TENM3: variants seen among roughly 807,000 people sequenced by gnomAD.
The protein encoded by TENM3 is teneurin transmembrane protein 3.
In TENM3, 63 loss-of-function variants were observed where a neutral mutation model predicts 255.1. The observed-to-expected ratio is 0.25, with a 90% CI of 0.20 to 0.30. TENM3 has a LOEUF of 0.30. Among genes scored for constraint, TENM3 ranks in the 10% least tolerant of loss-of-function variants. TENM3 has a pLI of 1.00. For missense variants in TENM3, 2,929 were observed against 3,461.1 expected, an observed-to-expected ratio of 0.85 and a Z score of 3.86; for synonymous variants, 1,306 against 1,322.3, an observed-to-expected ratio of 0.99 and a Z score of 0.27.
chr4:182,113,901 G>A, the TENM3 span, among the ~76,000 whole-genome samples: 2 of 152,276 alleles, frequency 1.3e-5, no homozygotes, highest in East Asian at 1.9e-4. Flanking sequence ...ACCAGAATAT[G>A]CTAAGATATA....
the TENM3 span, among the ~76,000 whole-genome samples, chr4:181,462,543 T>C: frequency 2.6e-3 from 397 of 152,342 alleles, 4 homozygotes; most frequent in South Asian, 0.035. Context: ...ATCCAATGTC[T>C]GAAAACTGTC....
the TENM3 span, among the ~76,000 whole-genome samples, chr4:181,740,376 T>C: frequency 1.3e-5 from 2 of 152,140 alleles, no homozygotes; most frequent in Non-Finnish European, 2.9e-5. Flanking sequence ...ATATTAACTT[T>C]ATTTAACATG....
chr4:182,506,204 A>G (rs1258719587), intron 3 of TENM3, among the ~76,000 whole-genome samples: 1 of 152,188 alleles, frequency 6.6e-6, no homozygotes, highest in Non-Finnish European at 1.5e-5. Context: ...CCCCGAAACC[A>G]TGTTTATAAT....
chr4:182,077,784 G>A, the TENM3 span, among the ~76,000 whole-genome samples: 1 of 152,120 alleles, frequency 6.6e-6, no homozygotes, highest in African/African-American at 2.4e-5. Context: ...GGAAAAAGGG[G>A]TTGAATAACA....
At chr4:182,230,812 CTATATATATATATATATA>C (rs55642239) in intron 1 of TENM3, among the ~76,000 whole-genome samples, 794 of 58,062 alleles carry the variant, frequency 0.014, 23 homozygotes, top group Middle Eastern at 0.056. Flanking sequence ...GTTTCTCAAA[CTATATATATATATATATA>C]TATATATATA....
rs1561153808 is a variant in TENM3, at chr4:182,161,835, A to ATGTGTATATATG, written c.-76+17092_-76+17093insGTGTGTATATAT. On this transcript the variant is annotated intron_variant, in intron 1 of 2. Transcript: ENST00000512480. ...TATATGTATATATATACACATATATATGTGTATATATACACAAATATATAT... is the reference window on the plus strand; with the variant it reads ...TATATGTATATATATACACATATATATGTGTATATATGTGTGTATATATACACAAATATATAT... 7.9e-4 allele frequency among the ~76,000 whole-genome samples: 31 copies of ATGTGTATATATG among 39,388 alleles called. 2 individuals carry two copies. Among genetic ancestry groups the ATGTGTATATATG allele is most frequent in the Admixed American group, 1.8e-3 (6 of 3,388 alleles). 25.8% of individuals were successfully genotyped at this position (39,388 alleles called of 152,430 possible).
At chr4:181,978,742 A>G in the TENM3 span, among the ~76,000 whole-genome samples, 1 of 151,776 alleles carries the variant, frequency 6.6e-6, no homozygotes, top group Non-Finnish European at 1.5e-5. Flanking sequence ...AAGAATATAA[A>G]GCCTATATGG....
rs78826977 is a variant in TENM3 at position 182,285,083 on chromosome 4, C to T, written c.-75-38863C>T. 7.4e-3 allele frequency among the ~76,000 whole-genome samples: 1,120 copies of T among 152,058 alleles called. 15 individuals carry two copies. Among genetic ancestry groups the T allele is most frequent in the African/African-American group, 0.025 (1,042 of 41,430 alleles). ...TGTTTCAGCAGGTGACACAGCCACG[C>T]GGTTATCTTCCATATCAGTATTAAG... is the stretch of plus-strand genomic sequence containing the variant. On this transcript the variant is annotated intron_variant, in intron 1 of 27. Coordinates refer to ENST00000511685, the MANE Select transcript of TENM3 (RefSeq NM_001080477.4).
At chr4:181,823,462 A>G in the TENM3 span, among the ~76,000 whole-genome samples, 1 of 152,162 alleles carries the variant, frequency 6.6e-6, no homozygotes, top group African/African-American at 2.4e-5. Flanking sequence ...GTCTTTTTGA[A>G]GTAACTTCAA....
chr4:181,967,289 C>A, the TENM3 span, among the ~76,000 whole-genome samples: 1 of 152,110 alleles, frequency 6.6e-6, no homozygotes, highest in Non-Finnish European at 1.5e-5. Flanking sequence ...GTCAGGTGAT[C>A]CTACCCAGTT....
the TENM3 span, among the ~76,000 whole-genome samples, chr4:182,002,112 G>A: frequency 2.6e-5 from 4 of 152,104 alleles, no homozygotes; most frequent in Non-Finnish European, 5.9e-5. Context: ...TATTATAGGA[G>A]AAATATATAA....
the TENM3 span, among the ~76,000 whole-genome samples, chr4:181,609,339 C>T: frequency 6.6e-6 from 1 of 152,114 alleles, no homozygotes; most frequent in Non-Finnish European, 1.5e-5. Context: ...TTCATAATAG[C>T]CAGTGAAGAG....
chr4:181,868,188 A>G, the TENM3 span, among the ~76,000 whole-genome samples: 4 of 152,068 alleles, frequency 2.6e-5, no homozygotes, highest in Non-Finnish European at 5.9e-5. Flanking sequence ...GACCCACCCC[A>G]TTAACAAACA....
intron 3 of TENM3, among the ~76,000 whole-genome samples, chr4:182,553,420 C>T (rs1742263539): frequency 6.6e-6 from 1 of 151,176 alleles, no homozygotes; most frequent in Non-Finnish European, 1.5e-5. Flanking sequence ...AGGAGATATA[C>T]CTAATGCTAC....
the TENM3 span, among the ~76,000 whole-genome samples, chr4:181,716,541 G>C: frequency 6.6e-6 from 1 of 152,070 alleles, no homozygotes; most frequent in South Asian, 2.1e-4. Context: ...AGACTTCCTG[G>C]GTTTGAATCC....
chr4:181,885,565 T>G, the TENM3 span, among the ~76,000 whole-genome samples: 13,251 of 152,152 alleles, frequency 0.087, 820 homozygotes, highest in East Asian at 0.33. Flanking sequence ...CTGGCCGAGA[T>G]TCAAGATTTT....
intron 4 of TENM3, among the ~76,000 whole-genome samples, chr4:182,602,746 C>T (rs765239831): frequency 6.6e-6 from 1 of 152,048 alleles, no homozygotes. Context: ...GTTATTAGCA[C>T]AGACGTAAAT....
the TENM3 span, among the ~76,000 whole-genome samples, chr4:181,770,892 A>G: frequency 6.6e-6 from 1 of 152,188 alleles, no homozygotes; most frequent in East Asian, 1.9e-4. Flanking sequence ...ACACTCCGTT[A>G]ACTCTTTATA....
intron 6 of TENM3, among the ~76,000 whole-genome samples, chr4:182,655,200 G>A (rs1295930449): frequency 3.9e-5 from 6 of 152,144 alleles, no homozygotes. Context: ...ATTTTGGTTT[G>A]TATTGACTGA....
Sources: gnomAD v4.1 joint callset for allele counts (sites outside exome capture counted in the v4.1 genomes callset) on GRCh38, gnomAD v4.1.1 for gene constraint, MANE v1.5 for transcripts, NCBI Gene and HGNC (gene_info 2026-07-23, HGNC 2026-07-21) for gene names.